Variants in ADGRL2 observed in about 807,000 individuals in gnomAD.
The protein encoded by ADGRL2 is adhesion G protein-coupled receptor L2.
In ADGRL2, 44 loss-of-function variants were observed where a neutral mutation model predicts 157.4. The observed-to-expected ratio is 0.28, with a 90% confidence interval of 0.22 to 0.36. The LOEUF (loss-of-function observed/expected upper bound fraction) is 0.36, where lower values mean the gene tolerates loss of function less well. Ranked by LOEUF, ADGRL2 falls within the 10% of genes least tolerant of loss-of-function variation. The pLI is 1.00. For synonymous variants in ADGRL2, 585 were observed against 624.7 expected (o/e 0.94, Z 0.95); for missense variants, 1,510 against 1,768.9 (o/e 0.85, Z 2.63).
chr1:81,490,381 C>A (rs981209149), intron 2 of ADGRL2, among the ~76,000 whole-genome samples: 1 of 152,070 alleles, frequency 6.6e-6, no homozygotes, highest in Non-Finnish European at 1.5e-5. Flanking sequence ...ATCCACCGGC[C>A]CTGGCCTCCC....
intron 2 of ADGRL2, among the ~76,000 whole-genome samples, chr1:81,769,496 C>A (rs2086267741): frequency 6.6e-6 from 1 of 151,952 alleles, no homozygotes; most frequent in Non-Finnish European, 1.5e-5. Flanking sequence ...ATCAAGTTTC[C>A]AAATATATAA....
intron 3 of ADGRL2, among the ~76,000 whole-genome samples, chr1:81,592,059 T>C (rs1405544963): frequency 6.6e-6 from 1 of 152,192 alleles, no homozygotes; most frequent in Non-Finnish European, 1.5e-5. Flanking sequence ...AGATATCTAA[T>C]ACAGCCTGTT....
intron 1 of ADGRL2, among the ~76,000 whole-genome samples, chr1:81,344,021 T>C (rs1557612659): frequency 6.6e-6 from 1 of 152,058 alleles, no homozygotes; most frequent in Admixed American, 6.6e-5. Flanking sequence ...AATAATCTGG[T>C]TTATGGATTT....
chr1:81,501,151 A>T (rs1476157877), intron 2 of ADGRL2, among the ~76,000 whole-genome samples: 2 of 152,232 alleles, frequency 1.3e-5, no homozygotes, highest in Admixed American at 1.3e-4. Flanking sequence ...TTAATTGTTT[A>T]AGGATAGATT....
At chr1:81,534,998 C>A (rs2148280853) in intron 2 of ADGRL2, among the ~76,000 whole-genome samples, 1 of 152,332 alleles carries the variant, frequency 6.6e-6, no homozygotes, top group Non-Finnish European at 1.5e-5. Flanking sequence ...ACCTCCCCAA[C>A]CTCTCTTTTT....
chr1:81,524,803 G>A (rs527588803), intron 2 of ADGRL2, among the ~76,000 whole-genome samples: 3 of 152,268 alleles, frequency 2.0e-5, no homozygotes, highest in Non-Finnish European at 2.9e-5. Context: ...GGGTCAGGGG[G>A]CTGAGGCAGG....
chr1:81,542,940 C>T (rs1416805909), intron 2 of ADGRL2, among the ~76,000 whole-genome samples: 1 of 151,556 alleles, frequency 6.6e-6, no homozygotes, highest in Non-Finnish European at 1.5e-5. Context: ...AGATGTCTGC[C>T]AACAACAGTT....
At chr1:81,686,552 T>C (rs190638595) in intron 3 of ADGRL2, among the ~76,000 whole-genome samples, 91 of 152,342 alleles carry the variant, frequency 6.0e-4, no homozygotes, top group African/African-American at 2.2e-3. Flanking sequence ...TAATGGTGTA[T>C]CAATTTTATT....
chr1:81,749,549 G>C (rs1244709797), intron 1 of ADGRL2, among the ~76,000 whole-genome samples: 1 of 152,012 alleles, frequency 6.6e-6, no homozygotes, highest in African/African-American at 2.4e-5. Context: ...GGAACTTTGA[G>C]AGATTTTTAT....
At chr1:81,649,400 G>A (rs1225656005) in intron 3 of ADGRL2, among the ~76,000 whole-genome samples, 1 of 152,148 alleles carries the variant, frequency 6.6e-6, no homozygotes, top group East Asian at 1.9e-4. Flanking sequence ...CATTTTAAAA[G>A]GTCTGTTATC....
chr1:81,630,094 A>G (rs2081984533), intron 3 of ADGRL2, among the ~76,000 whole-genome samples: 1 of 152,118 alleles, frequency 6.6e-6, no homozygotes, highest in Admixed American at 6.6e-5. Context: ...GCACATACAT[A>G]TATCTAGTGT....
chr1:81,679,356 A>G (rs1186557851), intron 3 of ADGRL2, among the ~76,000 whole-genome samples: 2 of 151,940 alleles, frequency 1.3e-5, no homozygotes, highest in Non-Finnish European at 2.9e-5. Flanking sequence ...GCCTCTCTAT[A>G]TCTTCTTGGC....
intron 2 of ADGRL2, among the ~76,000 whole-genome samples, chr1:81,515,444 G>GA (rs35373497): frequency 0.25 from 28,020 of 111,480 alleles, 3,572 homozygotes; most frequent in African/African-American, 0.38. Flanking sequence ...AGGAACCTCA[G>GA]AAAAAAAAAA....
chr1:81,551,532 T>C (rs2080146543), intron 2 of ADGRL2, among the ~76,000 whole-genome samples: 1 of 152,226 alleles, frequency 6.6e-6, no homozygotes, highest in African/African-American at 2.4e-5. Flanking sequence ...TGCTATTACA[T>C]TGACATATTT....
At chr1:81,514,248 A>G (rs1396353141) in intron 2 of ADGRL2, among the ~76,000 whole-genome samples, 1 of 152,124 alleles carries the variant, frequency 6.6e-6, no homozygotes, top group African/African-American at 2.4e-5. Flanking sequence ...ATGTTTGTTT[A>G]GAGTATATAT....
At chr1:81,503,226 G>T in intron 2 of ADGRL2, 1 of 1,614,172 alleles carries the variant, frequency 6.2e-7, no homozygotes, top group South Asian at 1.1e-5. Flanking sequence ...CAGAGGCCTC[G>T]GCTGCAGCAC....
chr1:81,597,647 T>C (rs1023174563), intron 3 of ADGRL2, among the ~76,000 whole-genome samples: 1 of 152,192 alleles, frequency 6.6e-6, no homozygotes, highest in Admixed American at 6.5e-5. Flanking sequence ...AAGATTCAAA[T>C]GCAAATCCCA....
At chr1:81,842,498 C>T (rs1306159311) in intron 2 of ADGRL2, among the ~76,000 whole-genome samples, 1 of 151,606 alleles carries the variant, frequency 6.6e-6, no homozygotes, top group South Asian at 2.1e-4. Flanking sequence ...GCTGGGATTA[C>T]AGGCACCTGC....
At chr1:81,980,412 A>G (rs1661322908) in intron 18 of ADGRL2, among the ~76,000 whole-genome samples, 1 of 151,728 alleles carries the variant, frequency 6.6e-6, no homozygotes. Context: ...TGCTAAACAA[A>G]TATTTACTTT....
Sources: allele counts gnomAD v4.1 joint callset (sites outside exome capture counted in the v4.1 genomes callset), GRCh38; gene constraint gnomAD v4.1.1; transcripts MANE v1.5; gene names NCBI Gene and HGNC (gene_info 2026-07-23, HGNC 2026-07-21).